The following PTPN3 variants were observed in gnomAD, a reference collection of about 807,000 sequenced individuals.
PTPN3 encodes protein tyrosine phosphatase non-receptor type 3, also known as tyrosine-protein phosphatase non-receptor type 3.
PTPN3 carries 96 observed loss-of-function variants against 132.7 expected under a neutral mutation model. That is an observed-to-expected ratio of 0.72 (90% CI 0.61 to 0.86). The LOEUF (loss-of-function observed/expected upper bound fraction) is 0.86. Among genes scored for constraint, PTPN3 ranks in the 40% least tolerant of loss-of-function variants. The pLI, the probability that PTPN3 is intolerant of heterozygous loss-of-function variation, is 0.00. For missense variants in PTPN3, 1,125 were observed against 1,159.6 expected, an observed-to-expected ratio of 0.97 and a Z score of 0.43; for synonymous variants, 398 against 429.0, an observed-to-expected ratio of 0.93 and a Z score of 0.89.
At chr9:109,467,360 C>T (rs567018967) in intron 1 of PTPN3, among the ~76,000 whole-genome samples, 1 of 151,970 alleles carries the variant, frequency 6.6e-6, no homozygotes, top group Non-Finnish European at 1.5e-5. Context: ...TTAAAACCTG[C>T]CTGTCCCCGC....
At chr9:109,421,529 G>A (rs1005636663) in intron 13 of PTPN3, among the ~76,000 whole-genome samples, 1 of 152,070 alleles carries the variant, frequency 6.6e-6, no homozygotes. Flanking sequence ...CAGGAGCTCC[G>A]GGCCACGAGT....
intron 18 of PTPN3, among the ~76,000 whole-genome samples, chr9:109,405,937 GTCC>G (rs1841525336): frequency 6.6e-6 from 1 of 152,128 alleles, no homozygotes; most frequent in African/African-American, 2.4e-5. Flanking sequence ...GACCACTGCT[GTCC>G]TCCTCCACAC....
chr9:109,488,390 G>A (rs916941781), intron 1 of PTPN3, among the ~76,000 whole-genome samples: 8 of 152,076 alleles, frequency 5.3e-5, no homozygotes, highest in African/African-American at 1.4e-4. Context: ...ATGAGCCACC[G>A]CACCAGGCTG....
intron 1 of PTPN3, among the ~76,000 whole-genome samples, chr9:109,464,039 C>T (rs1298697663): frequency 1.3e-5 from 2 of 152,124 alleles, no homozygotes; most frequent in Non-Finnish European, 2.9e-5. Flanking sequence ...GGTACTCAAC[C>T]ATATTAGCTG....
chr9:109,488,832 G>A (rs897367388), intron 1 of PTPN3, among the ~76,000 whole-genome samples: 4 of 152,132 alleles, frequency 2.6e-5, no homozygotes, highest in Non-Finnish European at 5.9e-5. Flanking sequence ...CTAGATGCTG[G>A]TTTCCTGCCT....
At chr9:109,413,657 A>AGAG in intron 14 of PTPN3, among the ~76,000 whole-genome samples, 1 of 152,190 alleles carries the variant, frequency 6.6e-6, no homozygotes, top group East Asian at 1.9e-4. Flanking sequence ...AAGGAGCAGA[A>AGAG]GAGGTTTGTC....
chr9:109,391,342 G>T, intron 20 of PTPN3, 129 bp downstream of exon 20: 1 of 1,270,438 alleles, frequency 7.9e-7, no homozygotes. Context: ...AGTCTGAAAT[G>T]GCTGCAATAA....
At chr9:109,486,077 AC>A (rs1272829155) in intron 1 of PTPN3, among the ~76,000 whole-genome samples, 2 of 152,222 alleles carry the variant, frequency 1.3e-5, no homozygotes, top group African/African-American at 4.8e-5. Context: ...ACTCTGTGAA[AC>A]ACAGATCTCC....
chr9:109,389,268 T>C lies in PTPN3; in HGVS notation c.2218A>G (p.Ile740Val). The C allele has an allele frequency of 1.2e-6, 2 of 1,614,150 alleles. No individual in the cohort carries two copies. The highest frequency in any genetic ancestry group is 1.1e-5 in the South Asian group (1 of 91,070). The change falls in exon 22 of 26, where the codon ATT becomes GTT. Residue 740 changes from isoleucine to valine, a missense_variant. Physicochemically the swap from Ile to Val is conservative, Grantham distance 29. Coordinates refer to ENST00000374541, the MANE Select transcript of PTPN3 (RefSeq NM_002829.4). Reference sequence around the variant, plus strand: ...TCTGTGAGAGTCGTCAACATGACAATGAGTGACAACTTCTGATCCCAGACA... The same window carrying C: ...TCTGTGAGAGTCGTCAACATGACAACGAGTGACAACTTCTGATCCCAGACA... ...QVVWDQKLSL[I>V]VMLTTLTERG... is the part of the protein sequence containing the mutation.
At chr9:109,391,603 A>C in intron 19 of PTPN3, 42 bp from the exon 20 acceptor site, 1 of 1,487,474 alleles carries the variant, frequency 6.7e-7, no homozygotes, top group Non-Finnish European at 9.3e-7. Flanking sequence ...TGCAAAAATC[A>C]GATGAAGAAA....
At position 109,414,686 on chromosome 9, in the gene PTPN3, G is replaced by T. The variant is rs138318527; in HGVS notation, c.1314-4271C>A. Among the ~76,000 whole-genome samples the T allele has an allele frequency of 1.0e-2, 1,516 of 152,278 alleles. 11 individuals are homozygous for T. Among genetic ancestry groups the T allele is most frequent in the Non-Finnish European group, 0.015 (1,042 of 68,022 alleles). On this transcript the variant is annotated intron_variant, in intron 14 of 25. Transcript: ENST00000374541. Reference sequence around the variant, plus strand: ...CACAGTCTTTCCTGCTGGAACAACAGATCATGAATCTGTCTAGGCTTCCCC... The same window carrying T: ...CACAGTCTTTCCTGCTGGAACAACATATCATGAATCTGTCTAGGCTTCCCC...
In PTPN3 at chr9:109,455,700, C is replaced by T. The variant is rs779254190; in HGVS notation, c.290-1126G>A. Among the ~76,000 whole-genome samples the T allele has an allele frequency of 7.9e-5, 12 of 152,204 alleles. No individual in the cohort carries two copies. The South Asian group carries it at 1.0e-3, about 13-fold the overall frequency. The stretch of plus-strand genomic sequence containing the variant: ...CCTCTTCTAAAACTTTTCATCTCTG[C>T]GCTGCAGGCATAGCCTCTTTTTCTT... On this transcript the variant is annotated intron_variant, in intron 4 of 25. Coordinates refer to ENST00000374541, the MANE Select transcript of PTPN3 (RefSeq NM_002829.4).
upstream of PTPN3, among the ~76,000 whole-genome samples, chr9:109,500,659 G>A (rs564568390): frequency 2.6e-5 from 4 of 151,478 alleles, no homozygotes; most frequent in East Asian, 1.9e-4. Context: ...GGTCGGGTGA[G>A]GTGGCTCATG....
rs778066954 is a variant in PTPN3, at chr9:109,379,600, G to A, written c.2698C>T (p.Arg900Cys). Residue 900 changes from arginine to cysteine, a missense_variant, in exon 26 of 26, where the codon CGT (arginine) becomes TGT (cysteine). Physicochemically the swap from Arg to Cys is radical, Grantham distance 180. Transcript: ENST00000374541. ...TGGACTAAACCTTCTTCATACACAC[G>A]AAGAATCGCTTCACACACAAACTTG... ...QYKFVCEAIL[R>C]VYEEGLVQML... The A allele has an allele frequency of 1.5e-5, 24 of 1,613,962 alleles. No homozygotes were observed. The East Asian group carries it at 3.3e-4, about 22-fold the overall frequency.
At chr9:109,426,240 TTTTA>T (rs1254527673) in intron 12 of PTPN3, among the ~76,000 whole-genome samples, 6 of 149,164 alleles carry the variant, frequency 4.0e-5, no homozygotes, top group African/African-American at 1.2e-4. Flanking sequence ...CTGTACATCA[TTTTA>T]TTTAGAGAAT....
At chr9:109,461,216 T>C (rs1333114847) in intron 2 of PTPN3, among the ~76,000 whole-genome samples, 1 of 152,158 alleles carries the variant, frequency 6.6e-6, no homozygotes, top group Non-Finnish European at 1.5e-5. Flanking sequence ...AACAGACCCC[T>C]AAATCAGTGG....
At chr9:109,533,126 A>ATTTTTTTTTTTTT in the PTPN3 span, among the ~76,000 whole-genome samples, 1 of 36,554 alleles carries the variant, frequency 2.7e-5, no homozygotes, top group African/African-American at 1.2e-4. Flanking sequence ...TACCTGGCTA[A>ATTTTTTTTTTTTT]TTTTTTTTTT....
chr9:109,482,120 A>G (rs1439481809), intron 1 of PTPN3, among the ~76,000 whole-genome samples: 1 of 152,240 alleles, frequency 6.6e-6, no homozygotes, highest in African/African-American at 2.4e-5. Context: ...GCACTTTTAG[A>G]AGGCTTGTGT....
intron 22 of PTPN3, among the ~76,000 whole-genome samples, chr9:109,384,210 G>C (rs1489379322): frequency 6.6e-6 from 1 of 152,220 alleles, no homozygotes; most frequent in African/African-American, 2.4e-5. Context: ...CATGACTTCT[G>C]TTGCTGTCAT....
Sources: gnomAD v4.1 joint callset for allele counts (sites outside exome capture counted in the v4.1 genomes callset) on GRCh38, gnomAD v4.1.1 for gene constraint, MANE v1.5 for transcripts, NCBI Gene and HGNC (gene_info 2026-07-23, HGNC 2026-07-21) for gene names.